The following ABCC1 variants were observed in gnomAD, a reference collection of about 807,000 sequenced individuals.
ABCC1 encodes the protein ATP binding cassette subfamily C member 1 (ABCC1 blood group).
A neutral mutation model predicts 172.9 loss-of-function variants in ABCC1; 83 were observed. The observed-to-expected ratio is 0.48, with a 90% CI of 0.40 to 0.58. The LOEUF is 0.58. Among genes scored for constraint, ABCC1 ranks in the 20% least tolerant of loss-of-function variants. The pLI, the probability that ABCC1 is intolerant of heterozygous loss-of-function variation, is 0.00. For synonymous variants in ABCC1, 937 were observed against 825.2 expected, an observed-to-expected ratio of 1.14 and a Z score of -2.32; for missense variants, 1,817 against 2,002.7, an observed-to-expected ratio of 0.91 and a Z score of 1.77.
chr16:16,068,424 G>A (rs770634862), intron 13 of ABCC1, 122 bp downstream of exon 13: 59 of 1,129,228 alleles, frequency 5.2e-5, no homozygotes, highest in African/African-American at 4.5e-4. Flanking sequence ...CATGAGGCCC[G>A]GACAAAGGCT....
At chr16:16,015,131 C>CTTTTT (rs10694441) in intron 4 of ABCC1, among the ~76,000 whole-genome samples, 5 of 124,548 alleles carry the variant, frequency 4.0e-5, no homozygotes, top group African/African-American at 1.3e-4. Context: ...GGAGTGTGCA[C>CTTTTT]TTTTTTTTTT....
intron 21 of ABCC1, among the ~76,000 whole-genome samples, chr16:16,110,450 C>T (rs1224226664): frequency 1.3e-5 from 2 of 151,736 alleles, no homozygotes; most frequent in East Asian, 1.9e-4. Flanking sequence ...AGTGCAGTGG[C>T]GCATTCTCGG....
rs189769138 is a variant in ABCC1 at position 16,133,588 on chromosome 16, G to C, written c.3967-762G>C. 1.8e-4 allele frequency among the ~76,000 whole-genome samples: 27 copies of C among 152,132 alleles called. 1 individual carries two copies. In the East Asian group the frequency reaches 5.2e-3, roughly 30 times the overall value. Reference sequence around the variant, plus strand: ...CCAGCTAATTTTTGTAGTTTTAGTAGAGATGGGGTTTTACCATGTTGGCCA... The same window carrying C: ...CCAGCTAATTTTTGTAGTTTTAGTACAGATGGGGTTTTACCATGTTGGCCA... On this transcript the variant is annotated intron_variant, in intron 27 of 30. Transcript: ENST00000399410.
At position 16,052,713 on chromosome 16, in the gene ABCC1, T is replaced by G. The variant is rs756612206; in HGVS notation, c.1381-11T>G. The G allele has an allele frequency of 6.2e-7, 1 of 1,613,860 alleles. No individual in the cohort carries two copies. The highest frequency in any genetic ancestry group is 8.5e-7 in the Non-Finnish European group (1 of 1,179,770). On this transcript the variant is annotated splice_polypyrimidine_tract_variant and intron_variant, in intron 10 of 30. Coordinates refer to ENST00000399410, the MANE Select transcript of ABCC1 (RefSeq NM_004996.4). Reference sequence around the variant, plus strand: ...CTGGTGAGTGATGAAGAGTCTCCTTTCCTTCCTTAGAATCTGGGCCCTTCC... The same window carrying G: ...CTGGTGAGTGATGAAGAGTCTCCTTGCCTTCCTTAGAATCTGGGCCCTTCC...
chr16:16,067,569 G>A (rs1437768240), intron 12 of ABCC1, among the ~76,000 whole-genome samples: 1 of 152,158 alleles, frequency 6.6e-6, no homozygotes, highest in Non-Finnish European at 1.5e-5. Context: ...GAGAAAATAG[G>A]GGCTTGCCTG....
At position 16,139,769 on chromosome 16, in the gene ABCC1, C is replaced by T. The variant is rs1332350974; in HGVS notation, c.4487+1211C>T. On this transcript the variant is annotated intron_variant, in intron 30 of 30. Coordinates refer to ENST00000399410, the MANE Select transcript of ABCC1 (RefSeq NM_004996.4). Reference sequence around the variant, plus strand: ...AAAAGTCAGAATGCTGCCATAGTGCCAGGGTCCTGGGGGGTTTTGAGTTTT... The same window carrying T: ...AAAAGTCAGAATGCTGCCATAGTGCTAGGGTCCTGGGGGGTTTTGAGTTTT... 2.6e-5 allele frequency among the ~76,000 whole-genome samples: 4 copies of T among 152,118 alleles called. No homozygotes were observed. The East Asian group carries it at 7.7e-4, about 29-fold the overall frequency.
chr16:15,953,736 C>T lies in ABCC1; in HGVS notation c.48+3937C>T, dbSNP rs559165811. Among the ~76,000 whole-genome samples, 5 of 152,256 alleles carry T rather than the reference C, an allele frequency of 3.3e-5. No homozygotes were observed. The East Asian group carries it at 5.8e-4, about 18-fold the overall frequency. Reference sequence around the variant, plus strand: ...GTGAGCTGGTCCCAGGGTTGATGTGCACCTCTGAGATGCTCTGTGGCATCC... The same window carrying T: ...GTGAGCTGGTCCCAGGGTTGATGTGTACCTCTGAGATGCTCTGTGGCATCC... On this transcript the variant is annotated intron_variant, in intron 1 of 30. Coordinates refer to ENST00000399410, the MANE Select transcript of ABCC1 (RefSeq NM_004996.4).
At chr16:16,111,320 G>GGCTGGGGCTGGT (rs1448195103) in intron 21 of ABCC1, 55 bp from the exon 22 acceptor site, 1 of 1,525,322 alleles carries the variant, frequency 6.6e-7, no homozygotes, top group Admixed American at 1.7e-5. Context: ...GTGGGGCTGG[G>GGCTGGGGCTGGT]GCTGGGGCTG....
intron 12 of ABCC1, among the ~76,000 whole-genome samples, chr16:16,058,104 A>G (rs1056524452): frequency 1.3e-5 from 2 of 152,184 alleles, no homozygotes; most frequent in Non-Finnish European, 2.9e-5. Flanking sequence ...GGGGTATGGT[A>G]ATGGGTCTAT....
chr16:16,079,278 G>T (rs573039780), intron 15 of ABCC1, 74 bp from the exon 16 acceptor site: 3 of 1,580,572 alleles, frequency 1.9e-6, no homozygotes, highest in East Asian at 2.3e-5. Flanking sequence ...GTAAATTGAG[G>T]CTCGGTGGCC....
intron 22 of ABCC1, among the ~76,000 whole-genome samples, chr16:16,114,534 T>A (rs2044761047): frequency 6.6e-6 from 1 of 152,000 alleles, no homozygotes; most frequent in Admixed American, 6.6e-5. Flanking sequence ...AGAGACGGAG[T>A]TTCACTGTGT....
chr16:16,042,836 G>C (rs887866997), intron 7 of ABCC1, among the ~76,000 whole-genome samples: 5 of 152,076 alleles, frequency 3.3e-5, no homozygotes, highest in African/African-American at 1.2e-4. Context: ...TCACAGAGTT[G>C]TGCAGTCATC....
At chr16:16,074,667 C>T (rs368859177) in intron 14 of ABCC1, among the ~76,000 whole-genome samples, 1 of 152,194 alleles carries the variant, frequency 6.6e-6, no homozygotes, top group East Asian at 1.9e-4. Flanking sequence ...CCAAGCTAAC[C>T]GTTCTCTGCA....
At chr16:16,000,611 T>G (rs920558293) in intron 1 of ABCC1, among the ~76,000 whole-genome samples, 3 of 152,044 alleles carry the variant, frequency 2.0e-5, no homozygotes, top group Non-Finnish European at 4.4e-5. Context: ...AATTGTTAAA[T>G]TTTTTCAAAA....
At chr16:16,009,081 C>T (rs1478062661) in intron 2 of ABCC1, among the ~76,000 whole-genome samples, 1 of 151,880 alleles carries the variant, frequency 6.6e-6, no homozygotes, top group African/African-American at 2.4e-5. Flanking sequence ...TTTTGAGTAG[C>T]TGGTAGCTGG....
intron 3 of ABCC1, among the ~76,000 whole-genome samples, chr16:16,013,297 G>A (rs1171143839): frequency 1.3e-5 from 2 of 149,570 alleles, no homozygotes; most frequent in South Asian, 2.1e-4. Context: ...TTGAGATAGC[G>A]TCTCACTCTG....
chr16:15,988,318 G>C (rs1052902638), intron 1 of ABCC1, among the ~76,000 whole-genome samples: 2 of 152,082 alleles, frequency 1.3e-5, no homozygotes, highest in Non-Finnish European at 2.9e-5. Flanking sequence ...TAAACCATCT[G>C]TCTCTTCTCT....
At chr16:16,012,203 A>G (rs2047811443) in intron 3 of ABCC1, among the ~76,000 whole-genome samples, 1 of 152,224 alleles carries the variant, frequency 6.6e-6, no homozygotes, top group African/African-American at 2.4e-5. Flanking sequence ...TAAGGTAAGC[A>G]AAGTGTGGTA....
At position 16,115,070 on chromosome 16, in the gene ABCC1, C is replaced by T. The variant is rs759212785; in HGVS notation, c.3384C>T (p.Phe1128=). The T allele has an allele frequency of 1.5e-5, 24 of 1,613,420 alleles. No individual in the cohort carries two copies. In the Middle Eastern group the frequency reaches 6.6e-4, roughly 44 times the overall value. Residue 1128 remains phenylalanine, a synonymous_variant, in exon 23 of 31, where the codon TTC becomes TTT. Coordinates refer to ENST00000399410, the MANE Select transcript of ABCC1 (RefSeq NM_004996.4). ...CGCCCCTTGGCCTCATCTACTTCTT[C>T]GTCCAGGTAAGGGGTGAGGTCTTAG... ...IIPPLGLIYF[F]VQRFYVASSR... is the part of the protein sequence containing the mutation.
Sources: allele counts gnomAD v4.1 joint callset (sites outside exome capture counted in the v4.1 genomes callset), GRCh38; gene constraint gnomAD v4.1.1; transcripts MANE v1.5; gene names NCBI Gene and HGNC (gene_info 2026-07-23, HGNC 2026-07-21).